The following MAGI2 variants were observed in gnomAD, a reference collection of about 807,000 sequenced individuals.
MAGI2 encodes the protein membrane associated guanylate kinase, WW and PDZ domain containing 2.
A neutral mutation model predicts 133.3 loss-of-function variants in MAGI2; 35 were observed. The observed-to-expected ratio is 0.26, with a 90% CI of 0.20 to 0.35. The LOEUF (loss-of-function observed/expected upper bound fraction) is 0.35. Ranked by LOEUF, MAGI2 falls within the 10% of genes least tolerant of loss-of-function variation. The pLI is 1.00. For missense variants in MAGI2, 1,636 were observed against 1,863.4 expected, an observed-to-expected ratio of 0.88 and a Z score of 2.25; for synonymous variants, 729 against 710.6, an observed-to-expected ratio of 1.03 and a Z score of -0.41.
At chr7:78,324,432 C>G (rs1562824457) in intron 9 of MAGI2, among the ~76,000 whole-genome samples, 1 of 152,140 alleles carries the variant, frequency 6.6e-6, no homozygotes, top group South Asian at 2.1e-4. Flanking sequence ...AGGTTTGGAT[C>G]CCAGGCTTAT....
intron 10 of MAGI2, among the ~76,000 whole-genome samples, chr7:78,222,271 C>T (rs1237638025): frequency 1.3e-5 from 2 of 152,172 alleles, no homozygotes; most frequent in African/African-American, 4.8e-5. Context: ...TTCTCTTCAG[C>T]AGCTGTTTCA....
intron 1 of MAGI2, among the ~76,000 whole-genome samples, chr7:79,153,762 A>C (rs1427433503): frequency 6.6e-6 from 1 of 152,176 alleles, no homozygotes; most frequent in African/African-American, 2.4e-5. Context: ...GGACAGGCTG[A>C]AGAGCAAAGC....
At chr7:78,449,632 G>A (rs1432730245) in intron 6 of MAGI2, among the ~76,000 whole-genome samples, 3 of 151,888 alleles carry the variant, frequency 2.0e-5, no homozygotes, top group African/African-American at 7.3e-5. Flanking sequence ...ACCTATTTTT[G>A]TAGCCTTCCT....
At chr7:78,997,451 A>T (rs1483692970) in intron 2 of MAGI2, among the ~76,000 whole-genome samples, 1 of 152,068 alleles carries the variant, frequency 6.6e-6, no homozygotes, top group African/African-American at 2.4e-5. Flanking sequence ...AAAATACAAA[A>T]ATTAGCTGGG....
At chr7:78,389,714 AT>A (rs10709698) in intron 6 of MAGI2, among the ~76,000 whole-genome samples, 81,951 of 151,972 alleles carry the variant, frequency 0.54, 23,032 homozygotes, top group Middle Eastern at 0.66. Flanking sequence ...CATTTCAGGT[AT>A]TTTCCAAAGT....
intron 1 of MAGI2, among the ~76,000 whole-genome samples, chr7:79,137,450 G>GTTGT (rs1554376801): frequency 7.5e-6 from 1 of 133,300 alleles, no homozygotes; most frequent in East Asian, 2.2e-4. Context: ...GGTGTTTTTT[G>GTTGT]TTTTTTTTTT....
At chr7:78,888,699 A>G (rs1796474032) in intron 2 of MAGI2, among the ~76,000 whole-genome samples, 1 of 152,224 alleles carries the variant, frequency 6.6e-6, no homozygotes, top group Admixed American at 6.5e-5. Context: ...TAACAAACAG[A>G]TAGGACATCC....
At chr7:78,196,093 T>C (rs1828705392) in intron 11 of MAGI2, among the ~76,000 whole-genome samples, 1 of 152,306 alleles carries the variant, frequency 6.6e-6, no homozygotes, top group East Asian at 1.9e-4. Context: ...TGGCTTCTCA[T>C]TCCCGAGGAC....
intron 2 of MAGI2, among the ~76,000 whole-genome samples, chr7:78,711,607 G>A (rs933748614): frequency 2.8e-5 from 2 of 70,824 alleles, no homozygotes; most frequent in African/African-American, 1.3e-4. Flanking sequence ...TGACGATGGA[G>A]TCTTTAGGTC....
At chr7:78,888,940 G>A (rs978742250) in intron 2 of MAGI2, among the ~76,000 whole-genome samples, 10 of 152,080 alleles carry the variant, frequency 6.6e-5, no homozygotes, top group Non-Finnish European at 1.5e-4. Context: ...TGAGCTAAAG[G>A]AGGAAGTTCG....
At chr7:78,417,801 G>C (rs1489366858) in intron 6 of MAGI2, among the ~76,000 whole-genome samples, 1 of 152,144 alleles carries the variant, frequency 6.6e-6, no homozygotes, top group Non-Finnish European at 1.5e-5. Flanking sequence ...GTAGAGTTTA[G>C]ATTCAACACT....
Position 78,256,614 on chromosome 7 carries a change from T to G in MAGI2, c.1409-33A>C, listed in dbSNP as rs376512468. 2.2e-4 allele frequency: 339 copies of G among 1,541,758 alleles called. 1 individual carries two copies. Among genetic ancestry groups the G allele is most frequent in the Non-Finnish European group, 2.7e-4 (309 of 1,125,194 alleles). ...AAAAAAAGAGATTGACAACATGAGG[T>G]AAGTTCAATTAACATTGACATAGAG... On this transcript the variant is annotated intron_variant, in intron 9 of 21. Transcript: ENST00000354212.
intron 2 of MAGI2, among the ~76,000 whole-genome samples, chr7:78,845,093 CT>C (rs1218117262): frequency 6.6e-6 from 1 of 151,876 alleles, no homozygotes; most frequent in African/African-American, 2.4e-5. Flanking sequence ...ACTGTTCCCC[CT>C]GGAAACTTGA....
intron 2 of MAGI2, among the ~76,000 whole-genome samples, chr7:78,826,832 C>T (rs519514): frequency 0.61 from 91,902 of 151,836 alleles, 29,248 homozygotes; most frequent in African/African-American, 0.81. Context: ...TATAGACTAC[C>T]GTGATACTAT....
chr7:78,236,468 C>T (rs576236509), intron 10 of MAGI2, among the ~76,000 whole-genome samples: 1 of 152,220 alleles, frequency 6.6e-6, no homozygotes, highest in Non-Finnish European at 1.5e-5. Context: ...AATATGCACG[C>T]CAAGCTCGAG....
chr7:78,915,303 T>C (rs930928180), intron 2 of MAGI2, among the ~76,000 whole-genome samples: 4 of 152,144 alleles, frequency 2.6e-5, no homozygotes, highest in African/African-American at 9.7e-5. Context: ...TTTTTGCAAA[T>C]ATACTGGCAA....
At chr7:78,847,717 T>G (rs1039551536) in intron 2 of MAGI2, among the ~76,000 whole-genome samples, 5 of 152,018 alleles carry the variant, frequency 3.3e-5, no homozygotes, top group African/African-American at 1.2e-4. Flanking sequence ...AGGCCTTTCC[T>G]GATCACTCTA....
chr7:78,858,232 T>A (rs1156588581), intron 2 of MAGI2, among the ~76,000 whole-genome samples: 1 of 152,108 alleles, frequency 6.6e-6, no homozygotes, highest in African/African-American at 2.4e-5. Context: ...TTTGAAGGGT[T>A]TTTTTGTGTC....
intron 1 of MAGI2, among the ~76,000 whole-genome samples, chr7:79,095,483 T>TTGTCA (rs1817439556): frequency 6.6e-6 from 1 of 152,218 alleles, no homozygotes; most frequent in Non-Finnish European, 1.5e-5. Context: ...TCACTAAGCC[T>TTGTCA]AATCATTTCT....
Sources: allele counts gnomAD v4.1 joint callset (sites outside exome capture counted in the v4.1 genomes callset), GRCh38; gene constraint gnomAD v4.1.1; transcripts MANE v1.5; gene names NCBI Gene and HGNC (gene_info 2026-07-23, HGNC 2026-07-21).